The following IDNK variants were observed in gnomAD, a reference collection of about 807,000 sequenced individuals.
IDNK encodes IDNK gluconokinase.
IDNK carries 9 observed loss-of-function variants against 13.0 expected under a neutral mutation model. The ratio of observed to expected loss-of-function variants is 0.69; its 90% CI spans 0.42 to 1.21. The LOEUF is 1.21. IDNK is among the 50% of genes most tolerant of loss of function. The pLI, the probability that IDNK is intolerant of heterozygous loss-of-function variation, is 0.00. For synonymous variants in IDNK, 92 were observed against 94.9 expected (o/e 0.97, Z 0.18); for missense variants, 210 against 237.8 (o/e 0.88, Z 0.77).
intron 3 of IDNK, among the ~76,000 whole-genome samples, chr9:83,629,788 A>G (rs1050907535): frequency 2.6e-5 from 4 of 152,212 alleles, no homozygotes; most frequent in African/African-American, 9.6e-5. Context: ...AAGGGCAGGG[A>G]CTGTGGCTGT....
At chr9:83,642,416 T>C (rs1322153988) in intron 4 of IDNK, among the ~76,000 whole-genome samples, 1 of 152,216 alleles carries the variant, frequency 6.6e-6, no homozygotes, top group Non-Finnish European at 1.5e-5. Flanking sequence ...TTTATGGTTC[T>C]GGGTTTCAAG....
chr9:83,641,053 G>A (rs558700123), intron 3 of IDNK, among the ~76,000 whole-genome samples: 4 of 152,290 alleles, frequency 2.6e-5, no homozygotes, highest in South Asian at 2.1e-4. Context: ...ACTGTAGCAC[G>A]TGCTACGTAA....
chr9:83,627,667 C>T (rs1393785246), intron 1 of IDNK, among the ~76,000 whole-genome samples: 1 of 152,132 alleles, frequency 6.6e-6, no homozygotes, highest in East Asian at 1.9e-4. Flanking sequence ...GCCGGTGATT[C>T]ATGAGATATT....
intron 3 of IDNK, among the ~76,000 whole-genome samples, chr9:83,634,349 T>A (rs1037872354): frequency 1.3e-5 from 2 of 152,256 alleles, no homozygotes; most frequent in Non-Finnish European, 1.5e-5. Context: ...TATATTTATG[T>A]TTATTATGGC....
chr9:83,640,743 G>A (rs1464871304), intron 3 of IDNK, among the ~76,000 whole-genome samples: 1 of 152,224 alleles, frequency 6.6e-6, no homozygotes, highest in Non-Finnish European at 1.5e-5. Flanking sequence ...TACTCAGGAG[G>A]CTGAGGCAGG....
chr9:83,623,205 G>A lies in IDNK; in HGVS notation c.34G>A (p.Val12Met), dbSNP rs1417026844. The A allele has an allele frequency of 7.1e-7, 1 of 1,410,212 alleles. No individual in the cohort carries two copies. The highest frequency in any genetic ancestry group is 9.2e-7 in the Non-Finnish European group (1 of 1,087,528). The allele number at this position is 1,410,212 out of a possible 1,614,324, so 87.4% of individuals were successfully genotyped here. A position where few individuals can be genotyped will look rare whatever the true frequency, so the allele number is the denominator to read the frequency against. The stretch of plus-strand genomic sequence containing the variant: ...GCCGGGCGCGCTGCTGGTGATGGGC[G>A]TGAGCGGCTCGGGGAAGTAGGTCCG... Reference protein sequence around the residue: ...AAPGALLVMGVSGSGKSTVGA... With the variant: ...AAPGALLVMGMSGSGKSTVGA... The change falls in exon 1 of 5, where the codon GTG (valine) becomes ATG (methionine). Residue 12 changes from valine to methionine, a missense_variant. Transcript: ENST00000376419.
intron 3 of IDNK, among the ~76,000 whole-genome samples, chr9:83,637,819 T>C (rs1243476710): frequency 6.6e-6 from 1 of 152,192 alleles, no homozygotes; most frequent in East Asian, 1.9e-4. Flanking sequence ...GTTGTTAGCA[T>C]TGATGTCAAG....
chr9:83,628,946 C>A lies in IDNK; in HGVS notation c.155C>A (p.Pro52Gln). 6.2e-7 allele frequency: 1 copy of A among 1,612,880 alleles called. No homozygotes were observed. Among genetic ancestry groups the A allele is most frequent in the Non-Finnish European group, 8.5e-7 (1 of 1,178,896 alleles). The change falls in exon 3 of 5, where the codon CCG (proline) becomes CAG (glutamine). Residue 52 changes from proline to glutamine, a missense_variant. Physicochemically the swap from Pro to Gln is moderately conservative, Grantham distance 76 (BLOSUM62 -1). Coordinates refer to ENST00000376419, the MANE Select transcript of IDNK (RefSeq NM_001001551.4). ...ENRRKMGKGIPLNDQDRIPWL... is the reference protein window; with the variant it reads ...ENRRKMGKGIQLNDQDRIPWL... Reference sequence around the variant, plus strand: ...CGAAGGAAGATGGGAAAAGGCATACCGCTCAATGACCAGGTAACAATTGCT... The same window carrying A: ...CGAAGGAAGATGGGAAAAGGCATACAGCTCAATGACCAGGTAACAATTGCT...
chr9:83,643,902 T>G lies in IDNK; in HGVS notation c.*122T>G. The stretch of plus-strand genomic sequence containing the variant: ...ATGTTTCTAAAGGCAAACCCCAATG[T>G]GTCAAGACAGACTTGTTTAGGTGTA... On this transcript the variant is annotated 3_prime_UTR_variant, in exon 5 of 5. Transcript: ENST00000376419. 1.5e-6 allele frequency: 1 copy of G among 662,098 alleles called. No individual in the cohort carries two copies. The highest frequency in any genetic ancestry group is 2.5e-6 in the Non-Finnish European group (1 of 395,264). The allele number at this position is 662,098 out of a possible 1,614,324, so 41.0% of individuals were successfully genotyped here.
chr9:83,640,792 C>A (rs942692676), intron 3 of IDNK, among the ~76,000 whole-genome samples: 1 of 152,212 alleles, frequency 6.6e-6, no homozygotes, highest in African/African-American at 2.4e-5. Flanking sequence ...TTGCGGTGAG[C>A]CGAGATCGTG....
At chr9:83,623,137 C>A, upstream of IDNK, 1 of 1,405,550 alleles carries the variant, frequency 7.1e-7, no homozygotes, top group Non-Finnish European at 9.2e-7. Context: ...GCCGGCGGGG[C>A]CCGGAAGGCG....
At chr9:83,630,417 C>T (rs1207169514) in intron 3 of IDNK, among the ~76,000 whole-genome samples, 6 of 152,302 alleles carry the variant, frequency 3.9e-5, no homozygotes, top group African/African-American at 1.4e-4. Context: ...CCTGGTTCCA[C>T]CACCAGGCTT....
At chr9:83,629,567 G>A (rs1328486565) in intron 3 of IDNK, among the ~76,000 whole-genome samples, 3 of 152,108 alleles carry the variant, frequency 2.0e-5, no homozygotes, top group Non-Finnish European at 4.4e-5. Flanking sequence ...TTCTCCCATG[G>A]GGCCTTTGTA....
rs546168332 is a variant in IDNK, at chr9:83,638,899, T to C, written c.169-2649T>C. The stretch of plus-strand genomic sequence containing the variant: ...ATGGAATTTCAAATAACTTGAAAAA[T>C]TGATACATAAAGTAGACAAAAGAAA... On this transcript the variant is annotated intron_variant, in intron 3 of 4. Coordinates refer to ENST00000376419, the MANE Select transcript of IDNK (RefSeq NM_001001551.4). 8.5e-5 allele frequency among the ~76,000 whole-genome samples: 13 copies of C among 152,260 alleles called. No homozygotes were observed. The South Asian group carries it at 2.7e-3, about 32-fold the overall frequency.
intron 1 of IDNK, 69 bp downstream of exon 1, chr9:83,623,290 G>A (rs1052727984): frequency 2.2e-5 from 29 of 1,291,636 alleles, no homozygotes; most frequent in South Asian, 3.5e-5. Flanking sequence ...CGGACGCGTC[G>A]CCGTCCCTGC....
chr9:83,641,258 G>A (rs150519528), intron 3 of IDNK, among the ~76,000 whole-genome samples: 7 of 152,280 alleles, frequency 4.6e-5, no homozygotes, highest in African/African-American at 9.6e-5. Flanking sequence ...ATTTGTAAAC[G>A]TATCAGAACC....
intron 3 of IDNK, among the ~76,000 whole-genome samples, chr9:83,636,091 A>G (rs1831157669): frequency 6.6e-6 from 1 of 152,220 alleles, no homozygotes; most frequent in South Asian, 2.1e-4. Flanking sequence ...CATCTCCATT[A>G]GCCTGTGAAT....
In IDNK at chr9:83,623,323, C is replaced by T. The variant is rs1045171457; in HGVS notation, c.50+102C>T. On this transcript the variant is annotated intron_variant, in intron 1 of 4. Transcript: ENST00000376419. ...TGCCGGTGGACTGGGGTCTTGGGGA[C>T]CCCCCACCCTTCCCTTTGCAGATGA... 2.2e-4 allele frequency: 234 copies of T among 1,071,070 alleles called. 1 individual carries two copies. The African/African-American group carries it at 2.4e-3, about 11-fold the overall frequency. 66.3% of individuals were successfully genotyped at this position (1,071,070 alleles called of 1,614,324 possible).
At chr9:83,628,384 C>T (rs989014307) in intron 2 of IDNK, among the ~76,000 whole-genome samples, 173 bp downstream of exon 2, 4 of 152,108 alleles carry the variant, frequency 2.6e-5, no homozygotes, top group East Asian at 1.9e-4. Context: ...AGGCAGGGTG[C>T]GGTGGCTCAT....
Sources: allele counts gnomAD v4.1 joint callset (sites outside exome capture counted in the v4.1 genomes callset), GRCh38; gene constraint gnomAD v4.1.1; transcripts MANE v1.5; gene names NCBI Gene and HGNC (gene_info 2026-07-23, HGNC 2026-07-21).